PRKG1: variants seen among roughly 807,000 people sequenced by gnomAD.
PRKG1 encodes the protein cGMP-dependent protein kinase 1.
PRKG1 carries 35 observed loss-of-function variants against 88.1 expected under a neutral mutation model. The observed-to-expected ratio is 0.40, with a 90% CI of 0.30 to 0.53. PRKG1 has a LOEUF of 0.53. Among genes scored for constraint, PRKG1 ranks in the 20% least tolerant of loss-of-function variants. The pLI, the probability that PRKG1 is intolerant of heterozygous loss-of-function variation, is 0.59. For synonymous variants in PRKG1, 303 were observed against 292.5 expected (o/e 1.04, Z -0.37); for missense variants, 540 against 839.8 (o/e 0.64, Z 4.41).
intron 3 of PRKG1, among the ~76,000 whole-genome samples, chr10:51,691,306 A>AT: frequency 7.0e-6 from 1 of 142,606 alleles, no homozygotes; most frequent in African/African-American, 2.7e-5. Flanking sequence ...TTTTCTTTTT[A>AT]TCTTTTTTTT....
At position 51,552,158 on chromosome 10, in the gene PRKG1, C is replaced by T. The variant is rs527345242; in HGVS notation, c.592+84322C>T. Among the ~76,000 whole-genome samples, 67 of 151,724 alleles carry T rather than the reference C, an allele frequency of 4.4e-4. 1 individual carries two copies. Among genetic ancestry groups the T allele is most frequent in the African/African-American group, 1.6e-3 (65 of 41,532 alleles). ...TATCTCAGATGGTGATTATGCTAAA[C>T]ATGTATTATATAAACACTAGAAAAA... On this transcript the variant is annotated intron_variant, in intron 3 of 17. Transcript: ENST00000373980.
At chr10:52,082,611 G>C (rs1038164728) in intron 7 of PRKG1, among the ~76,000 whole-genome samples, 4 of 152,132 alleles carry the variant, frequency 2.6e-5, no homozygotes, top group Admixed American at 1.3e-4. Context: ...GGTGTCACCT[G>C]TTTGAAGTTC....
chr10:51,116,785 A>T (rs912268448), intron 1 of PRKG1, among the ~76,000 whole-genome samples: 1 of 152,116 alleles, frequency 6.6e-6, no homozygotes, highest in African/African-American at 2.4e-5. Flanking sequence ...AGATGGTAAG[A>T]TCTGATACCA....
chr10:52,200,653 TAACTAATTA>T (rs1370204048), intron 9 of PRKG1, among the ~76,000 whole-genome samples: 2 of 152,300 alleles, frequency 1.3e-5, no homozygotes, highest in East Asian at 1.9e-4. Context: ...AGCAATGGCT[TAACTAATTA>T]ACATTCCCAC....
At chr10:51,653,488 A>G (rs1473191759) in intron 3 of PRKG1, among the ~76,000 whole-genome samples, 3 of 152,218 alleles carry the variant, frequency 2.0e-5, no homozygotes, top group South Asian at 4.1e-4. Flanking sequence ...TCGTATAACT[A>G]TTGGCCATTT....
chr10:50,998,084 T>G (rs529676130), intron 1 of PRKG1, among the ~76,000 whole-genome samples: 23 of 152,312 alleles, frequency 1.5e-4, no homozygotes, highest in African/African-American at 5.1e-4. Flanking sequence ...TGCTTCATAT[T>G]AGTCACATAG....
chr10:52,212,771 C>A (rs186886243), intron 9 of PRKG1, among the ~76,000 whole-genome samples: 97 of 152,174 alleles, frequency 6.4e-4, no homozygotes, highest in African/African-American at 2.2e-3. Flanking sequence ...TTTTATTATG[C>A]TTTAACTGGA....
intron 9 of PRKG1, among the ~76,000 whole-genome samples, chr10:52,250,355 G>A (rs1841141247): frequency 6.6e-6 from 1 of 152,188 alleles, no homozygotes; most frequent in African/African-American, 2.4e-5. Flanking sequence ...AACTAGAAAT[G>A]TGATTGTAAA....
chr10:52,277,410 A>G (rs1841900178), intron 12 of PRKG1, among the ~76,000 whole-genome samples: 2 of 152,198 alleles, frequency 1.3e-5, no homozygotes, highest in African/African-American at 4.8e-5. Flanking sequence ...TACTATATTA[A>G]GACATAGTAG....
chr10:52,224,162 C>T (rs1840319956), intron 9 of PRKG1, among the ~76,000 whole-genome samples: 1 of 152,108 alleles, frequency 6.6e-6, no homozygotes, highest in Admixed American at 6.6e-5. Flanking sequence ...CTTTCTCCAC[C>T]TTGCGTCCCA....
At chr10:51,571,213 A>G (rs1589093300) in intron 3 of PRKG1, among the ~76,000 whole-genome samples, 1 of 151,974 alleles carries the variant, frequency 6.6e-6, no homozygotes, top group Non-Finnish European at 1.5e-5. Flanking sequence ...AGTTAATGTT[A>G]GCTGCTATTA....
intron 9 of PRKG1, among the ~76,000 whole-genome samples, chr10:52,198,966 A>T (rs1839584953): frequency 6.6e-6 from 1 of 152,118 alleles, no homozygotes; most frequent in Non-Finnish European, 1.5e-5. Context: ...AGAGAAGTTA[A>T]CTGGCTATGT....
chr10:52,282,418 C>T (rs1842021570), intron 14 of PRKG1, 102 bp downstream of exon 14: 3 of 1,150,856 alleles, frequency 2.6e-6, no homozygotes, highest in East Asian at 2.6e-5. Context: ...GTACTTTTCA[C>T]CATATCTTGG....
chr10:51,842,102 C>G (rs1435565162), intron 4 of PRKG1, among the ~76,000 whole-genome samples: 1 of 152,156 alleles, frequency 6.6e-6, no homozygotes, highest in African/African-American at 2.4e-5. Context: ...GTTGGATTCC[C>G]TCGCTGGCTA....
At chr10:52,158,209 A>G (rs80335852) in intron 8 of PRKG1, among the ~76,000 whole-genome samples, 1,720 of 151,772 alleles carry the variant, frequency 0.011, 26 homozygotes, top group East Asian at 0.058. Context: ...GTAGTCACCT[A>G]TATTTGTTAA....
chr10:51,128,253 C>T (rs1488064696), intron 1 of PRKG1, among the ~76,000 whole-genome samples: 1 of 151,346 alleles, frequency 6.6e-6, no homozygotes, highest in South Asian at 2.1e-4. Context: ...TATCAATTCG[C>T]TATCTAATTT....
intron 5 of PRKG1, among the ~76,000 whole-genome samples, chr10:51,923,741 C>G (rs545400578): frequency 2.0e-5 from 3 of 151,770 alleles, no homozygotes; most frequent in East Asian, 1.9e-4. Flanking sequence ...TATTGTTACT[C>G]TTATTATTTT....
intron 4 of PRKG1, among the ~76,000 whole-genome samples, chr10:51,808,698 A>G (rs1038177123): frequency 3.3e-5 from 5 of 152,190 alleles, no homozygotes; most frequent in Admixed American, 1.3e-4. Flanking sequence ...GTCTGTGAAG[A>G]GGGGGATGTT....
intron 5 of PRKG1, among the ~76,000 whole-genome samples, chr10:52,000,864 A>T (rs1844576011): frequency 1.3e-5 from 2 of 152,054 alleles, no homozygotes; most frequent in African/African-American, 4.8e-5. Context: ...ATCCCTTTAC[A>T]ACCAAAAAGT....
Sources: allele counts gnomAD v4.1 joint callset (sites outside exome capture counted in the v4.1 genomes callset), GRCh38; gene constraint gnomAD v4.1.1; transcripts MANE v1.5; gene names NCBI Gene and HGNC (gene_info 2026-07-23, HGNC 2026-07-21).